Variants in FGFR2 observed in about 807,000 individuals in gnomAD.
FGFR2 encodes fibroblast growth factor receptor 2, also known as BEK fibroblast growth factor receptor.
FGFR2 carries 19 observed loss-of-function variants against 95.9 expected under a neutral mutation model. The ratio of observed to expected loss-of-function variants is 0.20; its 90% confidence interval spans 0.14 to 0.29. The LOEUF (loss-of-function observed/expected upper bound fraction) is 0.29. Among genes scored for constraint, FGFR2 ranks in the 10% least tolerant of loss-of-function variants. The pLI, the probability that FGFR2 is intolerant of heterozygous loss-of-function variation, is 1.00. For missense variants in FGFR2, 707 were observed against 1,056.9 expected, an observed-to-expected ratio of 0.67 and a Z score of 4.59; for synonymous variants, 392 against 393.3, an observed-to-expected ratio of 1.00 and a Z score of 0.04.
Position 121,485,337 on chromosome 10 carries a change from G to C in FGFR2, c.2195+58C>G. ...TTCAAAAACGAGATACATCAGGAGA[G>C]GTATTACTGGTGTGGCAAGTCCACT... On this transcript the variant is annotated intron_variant, in intron 16 of 17. Coordinates refer to ENST00000358487, the MANE Select transcript of FGFR2 (RefSeq NM_000141.5). The surrounding 1 kb of genome is among the most constrained non-coding windows in gnomAD (Gnocchi z 4.2). 1.2e-6 allele frequency: 2 copies of C among 1,606,996 alleles called. No homozygotes were observed. The highest frequency in any genetic ancestry group is 1.7e-6 in the Non-Finnish European group (2 of 1,174,200).
chr10:121,507,159 T>A (rs1848414519), intron 9 of FGFR2, among the ~76,000 whole-genome samples: 1 of 152,188 alleles, frequency 6.6e-6, no homozygotes, highest in Admixed American at 6.5e-5. Flanking sequence ...GCAGGCTGCA[T>A]CCTGACCAAC....
intron 13 of FGFR2, among the ~76,000 whole-genome samples, chr10:121,492,600 G>T (rs1011673568): frequency 6.6e-6 from 1 of 152,228 alleles, no homozygotes; most frequent in African/African-American, 2.4e-5. Flanking sequence ...ATTGTGAGGG[G>T]ATGGGTGTGG....
chr10:121,499,409 G>C (rs1467098522), intron 11 of FGFR2, among the ~76,000 whole-genome samples: 1 of 152,142 alleles, frequency 6.6e-6, no homozygotes, highest in African/African-American at 2.4e-5. Context: ...TTCACAAAAG[G>C]AAGATCAATA....
Position 121,593,795 on chromosome 10 carries a change from ATGAAACGACCCCAGC to A in FGFR2, c.8_22del (p.Ser3_Phe7del). The A allele has an allele frequency of 6.2e-7, 1 of 1,614,216 alleles. No individual in the cohort carries two copies. On this transcript the variant is annotated inframe_deletion, in exon 2 of 18. Coordinates refer to ENST00000358487, the MANE Select transcript of FGFR2 (RefSeq NM_000141.5). ...TGCCATGGTGACCACGACCAGGCAGATGAAACGACCCCAGCTGACCATGGTTACGGTACCAATCCC... is the reference window on the plus strand; with the variant it reads ...TGCCATGGTGACCACGACCAGGCAGATGACCATGGTTACGGTACCAATCCC...
At chr10:121,574,786 G>GACA (rs1204613397) in intron 2 of FGFR2, among the ~76,000 whole-genome samples, 2 of 152,178 alleles carry the variant, frequency 1.3e-5, no homozygotes, top group Non-Finnish European at 2.9e-5. Flanking sequence ...GCGAGGAAGG[G>GACA]ACAAATACTC....
chr10:121,506,545 G>A (rs1193159085), intron 9 of FGFR2, among the ~76,000 whole-genome samples: 1 of 152,054 alleles, frequency 6.6e-6, no homozygotes, highest in Non-Finnish European at 1.5e-5. Flanking sequence ...AGTGGGAACC[G>A]ATTAAGCAAT....
chr10:121,564,702 G>A, intron 3 of FGFR2, 123 bp from the exon 4 acceptor site: 1 of 829,632 alleles, frequency 1.2e-6, no homozygotes, highest in Non-Finnish European at 2.0e-6. Flanking sequence ...CAAAGAGCCT[G>A]GGATTGTTTT....
intron 2 of FGFR2, among the ~76,000 whole-genome samples, chr10:121,576,165 C>G (rs1859717599): frequency 6.6e-6 from 1 of 152,114 alleles, no homozygotes; most frequent in South Asian, 2.1e-4. Flanking sequence ...CCAACCTGGG[C>G]AACAAGAGCG....
chr10:121,563,528 G>A (rs532364338), intron 4 of FGFR2, among the ~76,000 whole-genome samples: 1 of 152,248 alleles, frequency 6.6e-6, no homozygotes, highest in African/African-American at 2.4e-5. Flanking sequence ...AAACACTTTA[G>A]GAACATTCTA....
intron 5 of FGFR2, among the ~76,000 whole-genome samples, chr10:121,551,014 A>G (rs1855315304): frequency 6.6e-6 from 1 of 152,218 alleles, no homozygotes; most frequent in Admixed American, 6.5e-5. Context: ...AGGTCAGGAG[A>G]TCAAGACCAT....
rs1453074937 is a variant in FGFR2, at chr10:121,518,666, A to C, written c.940-1203T>G. On this transcript the variant is annotated intron_variant, in intron 7 of 17. Coordinates refer to ENST00000358487, the MANE Select transcript of FGFR2 (RefSeq NM_000141.5). The surrounding 1 kb of genome is among the most constrained non-coding windows in gnomAD (Gnocchi z 4.0). ...GCTTTCTTTTTAAAAAAAGACAAAAATGAAAGCATTGTTACCTTGCTGTTT... is the reference window on the plus strand; with the variant it reads ...GCTTTCTTTTTAAAAAAAGACAAAACTGAAAGCATTGTTACCTTGCTGTTT... 1 of 1,614,060 alleles carries C rather than the reference A, an allele frequency of 6.2e-7. No individual in the cohort carries two copies. Among genetic ancestry groups the C allele is most frequent in the Non-Finnish European group, 8.5e-7 (1 of 1,180,036 alleles).
At chr10:121,581,679 G>A (rs917238869) in intron 2 of FGFR2, among the ~76,000 whole-genome samples, 2 of 151,216 alleles carry the variant, frequency 1.3e-5, no homozygotes, top group Non-Finnish European at 2.9e-5. Context: ...TTGAGCCCAG[G>A]AGGTCCAGGA....
At chr10:121,487,889 C>T in intron 14 of FGFR2, 102 bp downstream of exon 14, 1 of 1,477,414 alleles carries the variant, frequency 6.8e-7, no homozygotes, top group Non-Finnish European at 9.4e-7. Context: ...GGAATGGGTC[C>T]CCAGCCATCC....
At chr10:121,519,665 C>T (rs2981450) in intron 7 of FGFR2, among the ~76,000 whole-genome samples, 138,824 of 152,206 alleles carry the variant, frequency 0.91, 64,705 homozygotes, top group East Asian at 1. Context: ...CAGAGTATCA[C>T]GATCTCTACT....
At chr10:121,595,458 G>A (rs1564758563) in intron 1 of FGFR2, among the ~76,000 whole-genome samples, 4 of 152,128 alleles carry the variant, frequency 2.6e-5, no homozygotes, top group African/African-American at 7.2e-5. Flanking sequence ...GTGTGTGTGC[G>A]TGCATGGTGT....
chr10:121,524,146 A>ACACACACCCC lies in FGFR2; in HGVS notation c.749-3978_749-3977insGGGGTGTGTG, dbSNP rs142755962. On this transcript the variant is annotated intron_variant, in intron 6 of 17. Transcript: ENST00000358487. ...CACACACACACACACACACACACAC[A>ACACACACCCC]CCCCAAGTTTGCAATGGTTTAATGT... 1.5e-3 allele frequency among the ~76,000 whole-genome samples: 199 copies of ACACACACCCC among 136,920 alleles called. 6 individuals carry two copies. Among genetic ancestry groups the ACACACACCCC allele is most frequent in the Middle Eastern group, 3.8e-3 (1 of 264 alleles). 89.8% of individuals were successfully genotyped at this position (136,920 alleles called of 152,430 possible).
chr10:121,567,300 T>A (rs183483009), intron 2 of FGFR2, among the ~76,000 whole-genome samples: 37 of 152,234 alleles, frequency 2.4e-4, no homozygotes, highest in Admixed American at 1.2e-3. Flanking sequence ...AAGGCATGCA[T>A]GCCAAGCCCC....
chr10:121,593,954 T>A lies in FGFR2; in HGVS notation c.-137A>T. 1.3e-6 allele frequency: 1 copy of A among 778,054 alleles called. No individual in the cohort carries two copies. The highest frequency in any genetic ancestry group is 2.3e-6 in the Non-Finnish European group (1 of 442,016). 48.2% of individuals were successfully genotyped at this position (778,054 alleles called of 1,614,324 possible). Reference sequence around the variant, plus strand: ...GGCTCAGGAACCGAGGCGCTGCCGCTGCTGCTGCAGTCACTAAAGGAAAGA... The same window carrying A: ...GGCTCAGGAACCGAGGCGCTGCCGCAGCTGCTGCAGTCACTAAAGGAAAGA... On this transcript the variant is annotated 5_prime_UTR_variant, in exon 2 of 18. Transcript: ENST00000358487.
intron 10 of FGFR2, among the ~76,000 whole-genome samples, chr10:121,503,469 G>C (rs957404163): frequency 6.6e-6 from 1 of 152,190 alleles, no homozygotes; most frequent in Non-Finnish European, 1.5e-5. Context: ...TGTCAGATCT[G>C]TTTTATAAAT....
Sources: gnomAD v4.1 joint callset for allele counts (sites outside exome capture counted in the v4.1 genomes callset) on GRCh38, gnomAD v4.1.1 for gene constraint, Gnocchi (gnomAD v3.1) non-coding constraint, MANE v1.5 for transcripts, NCBI Gene and HGNC (gene_info 2026-07-23, HGNC 2026-07-21) for gene names.